Variants in HERC3 observed in about 807,000 individuals in gnomAD.
HERC3 encodes HECT and RLD domain containing E3 ubiquitin protein ligase 3.
A neutral mutation model predicts 129.9 loss-of-function variants in HERC3; 58 were observed. That is an observed-to-expected ratio of 0.45 (90% confidence interval 0.36 to 0.56). HERC3 has a LOEUF of 0.56. Among genes scored for constraint, HERC3 ranks in the 20% least tolerant of loss-of-function variants. The probability of loss-of-function intolerance (pLI) is 0.00; values close to 1 mark genes in which losing one functional copy is unlikely to be tolerated. For missense variants in HERC3, 835 were observed against 1,244.2 expected (o/e 0.67, Z 4.95); for synonymous variants, 430 against 451.0 (o/e 0.95, Z 0.59).
rs757992478 is a variant in HERC3 at position 88,650,006 on chromosome 4, A to G, written c.386+7A>G. The G allele has an allele frequency of 1.2e-6, 2 of 1,604,908 alleles. No homozygotes were observed. The highest frequency in any genetic ancestry group is 1.7e-6 in the Non-Finnish European group (2 of 1,173,862). On this transcript the variant is annotated splice_region_variant and intron_variant, in intron 4 of 25. Coordinates refer to ENST00000402738, the MANE Select transcript of HERC3 (RefSeq NM_014606.3). ...ATTCTGTGGCAGTGCCCAGGTAAGA[A>G]GGTTTTCAAATGTCAGTCGTTTTAA...
At chr4:88,632,562 A>G (rs1726892436) in intron 3 of HERC3, among the ~76,000 whole-genome samples, 1 of 152,214 alleles carries the variant, frequency 6.6e-6, no homozygotes, top group African/African-American at 2.4e-5. Context: ...TGGAGAAACA[A>G]AGTTCTCAGG....
rs1735928782 is a variant in HERC3, at chr4:88,708,278, TC to T, written c.*1320del. On this transcript the variant is annotated 3_prime_UTR_variant, in exon 26 of 26. Coordinates refer to ENST00000402738, the MANE Select transcript of HERC3 (RefSeq NM_014606.3). ...AATCCATGTAAGTCTAATTTTAAAT[TC>T]CTAGTAACTAGAGAAAAGACTTATT... The T allele has an allele frequency of 6.6e-6, 1 of 152,578 alleles. No homozygotes were observed. 9.5% of individuals were successfully genotyped at this position (152,578 alleles called of 1,614,324 possible). A position where few individuals can be genotyped will look rare whatever the true frequency, so the allele number is the denominator to read the frequency against.
chr4:88,634,641 A>G (rs1727160385), intron 3 of HERC3, among the ~76,000 whole-genome samples: 1 of 147,420 alleles, frequency 6.8e-6, no homozygotes, highest in Admixed American at 6.7e-5. Context: ...GAGATAGCCA[A>G]AGTGCTTTGT....
chr4:88,593,389 A>G (rs1253678250), intron 1 of HERC3: 2 of 152,426 alleles, frequency 1.3e-5, no homozygotes, highest in Admixed American at 1.3e-4. Context: ...CAGGGCAACC[A>G]GACCGAGAGG....
intron 3 of HERC3, among the ~76,000 whole-genome samples, chr4:88,609,468 C>T (rs1190353935): frequency 6.6e-6 from 1 of 152,194 alleles, no homozygotes; most frequent in Non-Finnish European, 1.5e-5. Context: ...AAGGCTGATA[C>T]TGTCTCTGGA....
At chr4:88,637,148 A>G (rs1044286141) in intron 3 of HERC3, among the ~76,000 whole-genome samples, 1 of 152,032 alleles carries the variant, frequency 6.6e-6, no homozygotes, top group Non-Finnish European at 1.5e-5. Flanking sequence ...CAAACAGGCC[A>G]GGCATGGTGG....
chr4:88,697,698 C>T lies in HERC3; in HGVS notation c.2658-6400C>T, dbSNP rs766276006. ...CCATTACCTCCTCTGCCGCTGCCTC[C>T]GCCGCTGCCGCCGCCTGGCTAGGCT... On this transcript the variant is annotated intron_variant, in intron 23 of 25. Coordinates refer to ENST00000402738, the MANE Select transcript of HERC3 (RefSeq NM_014606.3). 8.1e-6 allele frequency: 13 copies of T among 1,611,820 alleles called. No individual in the cohort carries two copies. In the African/African-American group the frequency reaches 1.3e-4, roughly 17 times the overall value.
chr4:88,696,325 G>A (rs1050809127), intron 23 of HERC3: 1 of 152,578 alleles, frequency 6.6e-6, no homozygotes, highest in African/African-American at 2.4e-5. Flanking sequence ...GACGTCACAA[G>A]GCGCAAAGTA....
chr4:88,659,026 TCTGC>T (rs1007932241), intron 10 of HERC3, among the ~76,000 whole-genome samples: 2 of 152,240 alleles, frequency 1.3e-5, no homozygotes, highest in Non-Finnish European at 1.5e-5. Context: ...ACATTGTCTT[TCTGC>T]CTGAAGGTAG....
At chr4:88,595,495 A>G (rs1722267595) in intron 1 of HERC3, 62 bp from the exon 2 acceptor site, 1 of 152,240 alleles carries the variant, frequency 6.6e-6, no homozygotes, top group Non-Finnish European at 1.5e-5. Flanking sequence ...TTTTGTTTAC[A>G]GTAACATGAA....
At chr4:88,602,568 C>T (rs551664765) in intron 2 of HERC3, among the ~76,000 whole-genome samples, 1 of 152,200 alleles carries the variant, frequency 6.6e-6, no homozygotes, top group African/African-American at 2.4e-5. Flanking sequence ...ACCTTGACCT[C>T]CTAGGCTCAA....
Position 88,667,502 on chromosome 4 carries a change from T to C in HERC3, c.1443+14T>C. ...ATTCTAGAACAGGTATGTTTCTATA[T>C]TTGTAAAGTGCATTCTTAAAAATGC... On this transcript the variant is annotated intron_variant, in intron 13 of 25. Transcript: ENST00000402738. The C allele has an allele frequency of 7.3e-7, 1 of 1,377,772 alleles. No individual in the cohort carries two copies. Among genetic ancestry groups the C allele is most frequent in the Non-Finnish European group, 1.0e-6 (1 of 989,792 alleles). 85.3% of individuals were successfully genotyped at this position (1,377,772 alleles called of 1,614,324 possible).
chr4:88,577,596 T>C, the HERC3 span, among the ~76,000 whole-genome samples: 1 of 149,440 alleles, frequency 6.7e-6, no homozygotes, highest in East Asian at 1.9e-4. Context: ...TATATGTGTG[T>C]ATGTGTGTGT....
chr4:88,622,553 A>G (rs1295753206), intron 3 of HERC3, among the ~76,000 whole-genome samples: 3 of 152,206 alleles, frequency 2.0e-5, no homozygotes, highest in African/African-American at 7.2e-5. Flanking sequence ...CTTTGAAGGA[A>G]CCTTCAGATT....
intron 19 of HERC3, among the ~76,000 whole-genome samples, chr4:88,678,452 G>A (rs981168199): frequency 2.0e-5 from 3 of 152,098 alleles, no homozygotes; most frequent in African/African-American, 7.2e-5. Flanking sequence ...CCACTATTAA[G>A]CTATCATTTA....
At chr4:88,587,721 T>C (rs1210508747), upstream of HERC3, among the ~76,000 whole-genome samples, 1 of 152,242 alleles carries the variant, frequency 6.6e-6, no homozygotes. Flanking sequence ...GATTTTATTT[T>C]GGTTTTACAC....
At chr4:88,642,070 G>A (rs1482275931) in intron 3 of HERC3, among the ~76,000 whole-genome samples, 1 of 148,492 alleles carries the variant, frequency 6.7e-6, no homozygotes, top group Admixed American at 6.7e-5. Context: ...GGTGGAGGTT[G>A]CAGTGAGCCG....
chr4:88,606,960 T>C (rs1408769511), intron 3 of HERC3, among the ~76,000 whole-genome samples: 1 of 152,240 alleles, frequency 6.6e-6, no homozygotes, highest in Non-Finnish European at 1.5e-5. Context: ...TATTCATTCC[T>C]TTGTTTCTGC....
chr4:88,695,356 T>C (rs1029886943), intron 23 of HERC3, among the ~76,000 whole-genome samples: 5 of 152,172 alleles, frequency 3.3e-5, no homozygotes, highest in Non-Finnish European at 5.9e-5. Context: ...AGGAAGCAAA[T>C]GGCATCTGAT....
Sources: gnomAD v4.1 joint callset for allele counts (sites outside exome capture counted in the v4.1 genomes callset) on GRCh38, gnomAD v4.1.1 for gene constraint, MANE v1.5 for transcripts, NCBI Gene and HGNC (gene_info 2026-07-23, HGNC 2026-07-21) for gene names.